Variants in STAT4 observed in about 807,000 individuals in gnomAD.
STAT4 encodes signal transducer and activator of transcription 4.
In STAT4, 42 loss-of-function variants were observed where a neutral mutation model predicts 110.5. The ratio of observed to expected loss-of-function variants is 0.38; its 90% CI spans 0.30 to 0.49. The LOEUF is 0.49. Ranked by LOEUF, STAT4 falls within the 20% of genes least tolerant of loss-of-function variation. STAT4 has a pLI of 0.95. For missense variants in STAT4, 632 were observed against 887.9 expected (o/e 0.71, Z 3.66); for synonymous variants, 284 against 302.2 (o/e 0.94, Z 0.63).
chr2:191,127,885 C>T (rs4997835), intron 3 of STAT4, among the ~76,000 whole-genome samples: 97,883 of 152,002 alleles, frequency 0.64, 31,870 homozygotes, highest in South Asian at 0.78. Flanking sequence ...GGAAGATCAA[C>T]CTAGGATAAA....
chr2:191,133,453 G>GGT lies in STAT4; in HGVS notation c.273+13158_273+13159dup, dbSNP rs1208921673. Among the ~76,000 whole-genome samples, 9 of 151,042 alleles carry GGT rather than the reference G, an allele frequency of 6.0e-5. 1 individual carries two copies. Among genetic ancestry groups the GGT allele is most frequent in the Admixed American group, 5.3e-4 (8 of 15,224 alleles). ...AAGGTAAGAGATATGGAGTGTTCCT[G>GGT]GTGTGTGTGTGGGTGGGTGGGGGCA... On this transcript the variant is annotated intron_variant, in intron 3 of 23. Coordinates refer to ENST00000392320, the MANE Select transcript of STAT4 (RefSeq NM_003151.4).
chr2:191,067,638 T>C (rs113074201), intron 6 of STAT4, among the ~76,000 whole-genome samples: 162 of 152,320 alleles, frequency 1.1e-3, no homozygotes, highest in African/African-American at 3.8e-3. Flanking sequence ...GGCATATAAG[T>C]ATCTGTACCT....
In STAT4 at chr2:191,147,470, G is replaced by A. The variant is rs1336707913; in HGVS notation, c.128+606C>T. On this transcript the variant is annotated intron_variant, in intron 2 of 23. Transcript: ENST00000392320. This position sits in a 1 kb window ranked among gnomAD's most constrained non-coding sequence, Gnocchi z 4.1. ...TACCTAGAGTAGTCAAATTCACAGAGACAGAAAATAGAATGGTGATTGCCA... is the reference window on the plus strand; with the variant it reads ...TACCTAGAGTAGTCAAATTCACAGAAACAGAAAATAGAATGGTGATTGCCA... Among the ~76,000 whole-genome samples the A allele has an allele frequency of 6.6e-6, 1 of 152,114 alleles. No homozygotes were observed. Among genetic ancestry groups the A allele is most frequent in the Non-Finnish European group, 1.5e-5 (1 of 67,992 alleles).
chr2:191,098,788 G>A (rs1188301684), intron 3 of STAT4, among the ~76,000 whole-genome samples: 1 of 151,990 alleles, frequency 6.6e-6, no homozygotes, highest in Non-Finnish European at 1.5e-5. Context: ...TAGAATTTAG[G>A]AAAACAAAAT....
At chr2:191,103,214 G>T (rs1698189980) in intron 3 of STAT4, among the ~76,000 whole-genome samples, 1 of 152,082 alleles carries the variant, frequency 6.6e-6, no homozygotes, top group African/African-American at 2.4e-5. Context: ...CCAGTCTCTT[G>T]TTACGTGGAA....
At chr2:191,041,033 TA>T in intron 15 of STAT4, 31 bp downstream of exon 15, 1 of 1,341,804 alleles carries the variant, frequency 7.5e-7, no homozygotes, top group South Asian at 2.2e-5. Flanking sequence ...CAAATGCCAT[TA>T]GTAAATAGTG....
chr2:191,053,252 T>A lies in STAT4; in HGVS notation c.1251+1238A>T, dbSNP rs1196379705. On this transcript the variant is annotated intron_variant, in intron 14 of 23. Coordinates refer to ENST00000392320, the MANE Select transcript of STAT4 (RefSeq NM_003151.4). The surrounding 1 kb of genome is among the most constrained non-coding windows in gnomAD (Gnocchi z 4.5). Reference sequence around the variant, plus strand: ...GAACCACCCCAGAAATAAACCTCACTGCTTCAAAACTGCATCACGTAGGTG... The same window carrying A: ...GAACCACCCCAGAAATAAACCTCACAGCTTCAAAACTGCATCACGTAGGTG... 6.6e-6 allele frequency among the ~76,000 whole-genome samples: 1 copy of A among 152,216 alleles called. No homozygotes were observed. The highest frequency in any genetic ancestry group is 1.5e-5 in the Non-Finnish European group (1 of 68,032).
In STAT4 at chr2:191,066,578, A is replaced by G. The variant is rs1696992212; in HGVS notation, c.545-63T>C. On this transcript the variant is annotated intron_variant, in intron 6 of 23. Transcript: ENST00000392320. The surrounding 1 kb of genome is among the most constrained non-coding windows in gnomAD (Gnocchi z 4.3). ...ATTCCTGAAAGTCAAGTCAGCCTCA[A>G]TCCACCATCCTAAAACAGCCCTGGC... The G allele has an allele frequency of 6.0e-6, 9 of 1,498,084 alleles. No individual in the cohort carries two copies. The South Asian group carries it at 7.0e-5, about 12-fold the overall frequency. 92.8% of individuals were successfully genotyped at this position (1,498,084 alleles called of 1,614,324 possible). A position where few individuals can be genotyped will look rare whatever the true frequency, so the allele number is the denominator to read the frequency against.
chr2:191,095,340 CAA>C (rs1416406648), intron 3 of STAT4, among the ~76,000 whole-genome samples: 4 of 152,224 alleles, frequency 2.6e-5, no homozygotes, highest in African/African-American at 9.6e-5. Context: ...GCACTTATTC[CAA>C]AATTGACCAC....
At chr2:191,055,776 T>C (rs1366446206) in intron 13 of STAT4, among the ~76,000 whole-genome samples, 1 of 152,248 alleles carries the variant, frequency 6.6e-6, no homozygotes, top group Non-Finnish European at 1.5e-5. Context: ...TGTTATTTTA[T>C]ATATTGTACC....
chr2:191,074,476 A>T (rs1697256875), intron 4 of STAT4, among the ~76,000 whole-genome samples: 1 of 152,204 alleles, frequency 6.6e-6, no homozygotes, highest in Non-Finnish European at 1.5e-5. Flanking sequence ...CTTTTGTGGT[A>T]GTATGTGGTA....
At chr2:191,109,849 A>T (rs1210289842) in intron 3 of STAT4, among the ~76,000 whole-genome samples, 1 of 152,172 alleles carries the variant, frequency 6.6e-6, no homozygotes, top group East Asian at 1.9e-4. Flanking sequence ...CAAGGGTCCC[A>T]TGATGGGGCT....
intron 3 of STAT4, among the ~76,000 whole-genome samples, chr2:191,101,692 T>A (rs886447797): frequency 9.9e-5 from 15 of 152,156 alleles, no homozygotes; most frequent in Non-Finnish European, 1.6e-4. Context: ...ACTGGTCATT[T>A]TTTTTTGTAT....
In STAT4 at chr2:191,095,769, A is replaced by T. The variant is rs1351980307; in HGVS notation, c.274-19444T>A. ...GGCAAGAAATAACTAAGATCAGAGC[A>T]GAACTGAAAGAGATAGAGACACACA... On this transcript the variant is annotated intron_variant, in intron 3 of 23. Transcript: ENST00000392320. Among the ~76,000 whole-genome samples the T allele has an allele frequency of 3.3e-5, 5 of 152,242 alleles. No individual in the cohort carries two copies. The East Asian group carries it at 9.6e-4, about 29-fold the overall frequency.
Position 191,136,042 on chromosome 2 carries a change from T to C in STAT4, c.273+10571A>G, listed in dbSNP as rs1035139729. ...AAAAAACCAAAAAACAAAAAACCAA[T>C]GTGATCAAGTGGGATTTATCCCAGG... On this transcript the variant is annotated intron_variant, in intron 3 of 23. Transcript: ENST00000392320. Among the ~76,000 whole-genome samples the C allele has an allele frequency of 4.4e-5, 6 of 137,800 alleles. No homozygotes were observed. In the South Asian group the frequency reaches 6.6e-4, roughly 15 times the overall value. The allele number at this position is 137,800 out of a possible 152,430, so 90.4% of individuals were successfully genotyped here.
intron 3 of STAT4, among the ~76,000 whole-genome samples, chr2:191,130,563 GTTACTT>G (rs1447099726): frequency 6.6e-6 from 1 of 151,566 alleles, no homozygotes; most frequent in East Asian, 1.9e-4. Flanking sequence ...GTTATCCTCT[GTTACTT>G]TTAGAATATT....
chr2:191,058,025 C>T lies in STAT4; in HGVS notation c.1199G>A (p.Arg400Gln), dbSNP rs1040221969. The T allele has an allele frequency of 1.9e-6, 3 of 1,613,770 alleles. No individual in the cohort carries two copies. Among genetic ancestry groups the T allele is most frequent in the South Asian group, 1.1e-5 (1 of 91,032 alleles). Residue 400 changes from arginine to glutamine, a missense_variant, in exon 13 of 24, where the codon CGA becomes CAA. By Grantham distance (43) the Arg-to-Gln change is conservative. This residue lies in a region of STAT4 where 488 missense variants were observed against 632.8 expected (regional missense o/e 0.77). Transcript: ENST00000392320. The surrounding 1 kb of genome is among the most constrained non-coding windows in gnomAD (Gnocchi z 4.3). ...CTTTACTGCCAAACTTACCAAATGT[C>T]GAAATTCTACTGAGAGACTCCCATT... The part of the protein sequence containing the change: ...SSNGSLSVEF[R>Q]HLQPKEMKSS...
Position 191,058,751 on chromosome 2 carries a change from T to G in STAT4, c.1053A>C (p.Pro351=), listed in dbSNP as rs181250926. 1.4e-5 allele frequency: 23 copies of G among 1,591,056 alleles called. No homozygotes were observed. The Admixed American group carries it at 3.1e-4, about 22-fold the overall frequency. The change falls in exon 11 of 24, where the codon CCA becomes CCC. Residue 351 remains proline, a synonymous_variant. Transcript: ENST00000392320. This position sits in a 1 kb window ranked among gnomAD's most constrained non-coding sequence, Gnocchi z 4.3. ...TVKLRLLIKL[P]ELNYQVKVKA... is the part of the protein sequence containing the mutation. ...TAACCTTTACCTGATAGTTTAGTTCTGGCAATTTTATTAGTAGCCTGGAAA... is the reference window on the plus strand; with the variant it reads ...TAACCTTTACCTGATAGTTTAGTTCGGGCAATTTTATTAGTAGCCTGGAAA...
chr2:191,058,239 C>A lies in STAT4; in HGVS notation c.1095-20G>T, dbSNP rs1302650074. On this transcript the variant is annotated intron_variant, in intron 11 of 23. Transcript: ENST00000392320. The surrounding 1 kb of genome is among the most constrained non-coding windows in gnomAD (Gnocchi z 4.3). ...ACATTCCTGTAAAACCAAGAAGATT[C>A]TTTAAAACAAGCTATTTAATAGATC... 6.2e-7 allele frequency: 1 copy of A among 1,605,152 alleles called. No individual in the cohort carries two copies. Among genetic ancestry groups the A allele is most frequent in the Non-Finnish European group, 8.5e-7 (1 of 1,173,168 alleles).
Sources: gnomAD v4.1 joint callset for allele counts (sites outside exome capture counted in the v4.1 genomes callset) on GRCh38, gnomAD v4.1.1 for gene constraint, gnomAD v4.1.1 regional missense constraint, Gnocchi (gnomAD v3.1) non-coding constraint, MANE v1.5 for transcripts, NCBI Gene and HGNC (gene_info 2026-07-23, HGNC 2026-07-21) for gene names.